VWA8: variants seen among roughly 807,000 people sequenced by gnomAD.
VWA8 encodes von Willebrand factor A domain-containing protein 8.
A neutral mutation model predicts 241.5 loss-of-function variants in VWA8; 221 were observed. The observed-to-expected ratio is 0.91, with a 90% CI of 0.82 to 1.02. The LOEUF is 1.02. Among genes scored for constraint, VWA8 ranks in the 50% least tolerant of loss-of-function variants. VWA8 has a pLI of 0.00. For missense variants in VWA8, 2,322 were observed against 2,328.7 expected, an observed-to-expected ratio of 1.00 and a Z score of 0.06; for synonymous variants, 852 against 827.1, an observed-to-expected ratio of 1.03 and a Z score of -0.52.
At chr13:41,860,657 G>C (rs989202682) in intron 12 of VWA8, among the ~76,000 whole-genome samples, 2 of 152,098 alleles carry the variant, frequency 1.3e-5, no homozygotes, top group Non-Finnish European at 2.9e-5. Flanking sequence ...TAGAAATATA[G>C]GAGAAAATCT....
At position 41,868,444 on chromosome 13, in the gene VWA8, G is replaced by C. The variant is rs774607218; in HGVS notation, c.1114C>G (p.Leu372Val). The change falls in exon 10 of 45, where the codon CTT becomes GTT. Residue 372 changes from leucine (L) to valine (V), a missense_variant. Leu to Val is a conservative substitution (Grantham distance 32, BLOSUM62 1). Coordinates refer to ENST00000379310, the MANE Select transcript of VWA8 (RefSeq NM_015058.2). The stretch of plus-strand genomic sequence containing the variant: ...TCTACTTTTACAATCTCTTTAGGAA[G>C]TAGAGAGCTTCCTGAATCTTGAAGT... ...FELQDSGSSL[L>V]PKEIVKVEKM... The C allele has an allele frequency of 1.9e-6, 3 of 1,613,970 alleles. No homozygotes were observed. The highest frequency in any genetic ancestry group is 1.6e-4 in the Middle Eastern group (1 of 6,062).
In VWA8 at chr13:41,912,016, T is replaced by C. The variant is rs372907175; in HGVS notation, c.372+22A>G. 7.2e-6 allele frequency: 11 copies of C among 1,533,056 alleles called. No individual in the cohort carries two copies. The East Asian group carries it at 1.1e-4, about 16-fold the overall frequency. 95.0% of individuals were successfully genotyped at this position (1,533,056 alleles called of 1,614,324 possible). On this transcript the variant is annotated intron_variant, in intron 3 of 44. Coordinates refer to ENST00000379310, the MANE Select transcript of VWA8 (RefSeq NM_015058.2). The stretch of plus-strand genomic sequence containing the variant: ...CTTACAAAGTTAAGACCCTTAGAAA[T>C]TGACAAGAATTAACTGCTCACCAAG...
intron 20 of VWA8, among the ~76,000 whole-genome samples, chr13:41,774,575 G>C (rs1358154598): frequency 2.0e-5 from 3 of 152,200 alleles, no homozygotes; most frequent in Non-Finnish European, 4.4e-5. Context: ...TCATAGAGAT[G>C]GTGGGTAAAT....
chr13:41,879,461 T>C (rs1405947343), intron 9 of VWA8, among the ~76,000 whole-genome samples: 2 of 151,650 alleles, frequency 1.3e-5, no homozygotes, highest in Non-Finnish European at 2.9e-5. Context: ...TTCCATCCTC[T>C]GCTGTCTCTT....
rs200765783 is a variant in VWA8 at position 41,748,069 on chromosome 13, T to G, written c.2426+13059A>C. Among the ~76,000 whole-genome samples, 319 of 152,342 alleles carry G rather than the reference T, an allele frequency of 2.1e-3. 11 individuals carry two copies. The East Asian group carries it at 0.05, about 24-fold the overall frequency. On this transcript the variant is annotated intron_variant, in intron 21 of 44. Coordinates refer to ENST00000379310, the MANE Select transcript of VWA8 (RefSeq NM_015058.2). ...TTGGTCTAAAATTCTCTGTTTTTGT[T>G]GTGTCTCTGCCAGGCTTTGGTATCA... is the stretch of plus-strand genomic sequence containing the variant.
At chr13:41,584,094 G>A (rs1384640419) in intron 42 of VWA8, among the ~76,000 whole-genome samples, 1 of 152,162 alleles carries the variant, frequency 6.6e-6, no homozygotes, top group East Asian at 1.9e-4. Flanking sequence ...CAAAGCAAGT[G>A]AGGCAAAACG....
intron 20 of VWA8, among the ~76,000 whole-genome samples, chr13:41,777,478 T>C (rs771171427): frequency 1.5e-4 from 23 of 152,004 alleles, no homozygotes; most frequent in Middle Eastern, 3.4e-3. Flanking sequence ...GAAGGGGCCA[T>C]GGCTTAGGAA....
intron 2 of VWA8, among the ~76,000 whole-genome samples, chr13:41,914,144 G>A (rs1202906745): frequency 6.6e-6 from 1 of 152,194 alleles, no homozygotes; most frequent in East Asian, 1.9e-4. Context: ...AGTGAGCTAA[G>A]ATCACGCCAC....
At chr13:41,573,701 T>A (rs962394587) in intron 43 of VWA8, among the ~76,000 whole-genome samples, 1 of 151,110 alleles carries the variant, frequency 6.6e-6, no homozygotes, top group Non-Finnish European at 1.5e-5. Flanking sequence ...CGCTGCAGCC[T>A]CTGCCTCCCG....
At chr13:41,687,397 T>C (rs2045143979) in intron 34 of VWA8, among the ~76,000 whole-genome samples, 1 of 152,194 alleles carries the variant, frequency 6.6e-6, no homozygotes, top group Non-Finnish European at 1.5e-5. Flanking sequence ...TTAAAAGTTA[T>C]ACAAGTAATA....
rs146114880 is a variant in VWA8, at chr13:41,576,440, T to C, written c.5272-602A>G. 9.6e-3 allele frequency among the ~76,000 whole-genome samples: 1,465 copies of C among 152,320 alleles called. 20 individuals carry two copies. The highest frequency in any genetic ancestry group is 0.013 in the Non-Finnish European group (881 of 68,024). ...GGGATAAATGGTGGTTAGTCCATGCTAGCTGACAAACAACAATCCATAACA... is the reference window on the plus strand; with the variant it reads ...GGGATAAATGGTGGTTAGTCCATGCCAGCTGACAAACAACAATCCATAACA... On this transcript the variant is annotated intron_variant, in intron 42 of 44. Coordinates refer to ENST00000379310, the MANE Select transcript of VWA8 (RefSeq NM_015058.2).
intron 10 of VWA8, 39 bp from the exon 11 acceptor site, chr13:41,866,075 T>C: frequency 6.2e-7 from 1 of 1,604,486 alleles, no homozygotes; most frequent in Non-Finnish European, 8.5e-7. Context: ...TGGCCAGATG[T>C]GGTGGCTCAC....
At chr13:41,624,034 T>C (rs2044673668) in intron 37 of VWA8, among the ~76,000 whole-genome samples, 1 of 152,076 alleles carries the variant, frequency 6.6e-6, no homozygotes, top group South Asian at 2.1e-4. Flanking sequence ...TCAGAGACTA[T>C]TATGAACACC....
chr13:41,831,636 T>TG (rs1369363662), intron 13 of VWA8, among the ~76,000 whole-genome samples: 12 of 131,730 alleles, frequency 9.1e-5, no homozygotes, highest in African/African-American at 1.6e-4. Flanking sequence ...TTTTTTTTTT[T>TG]GAGACAGAGT....
chr13:41,898,929 C>G (rs1430330294), intron 4 of VWA8, among the ~76,000 whole-genome samples: 1 of 152,192 alleles, frequency 6.6e-6, no homozygotes, highest in East Asian at 1.9e-4. Context: ...CCGCAAGCGC[C>G]GCGCGCAGCC....
chr13:41,713,719 C>A, intron 26 of VWA8, among the ~76,000 whole-genome samples: 1 of 152,128 alleles, frequency 6.6e-6, no homozygotes, highest in Non-Finnish European at 1.5e-5. Flanking sequence ...ACACAAAGCA[C>A]TGATACTAAT....
chr13:41,746,132 G>C (rs1249375131), intron 21 of VWA8, among the ~76,000 whole-genome samples: 1 of 152,088 alleles, frequency 6.6e-6, no homozygotes, highest in Non-Finnish European at 1.5e-5. Context: ...ATGAACAGTT[G>C]TTAAATCTGG....
At chr13:41,905,872 T>C (rs1875688452) in intron 4 of VWA8, among the ~76,000 whole-genome samples, 1 of 152,124 alleles carries the variant, frequency 6.6e-6, no homozygotes, top group African/African-American at 2.4e-5. Flanking sequence ...TATGAGTTGG[T>C]TAATGGAGCC....
intron 43 of VWA8, 74 bp from the exon 44 acceptor site, chr13:41,570,780 T>G: frequency 1.5e-6 from 2 of 1,364,904 alleles, no homozygotes; most frequent in Non-Finnish European, 1.0e-6. Flanking sequence ...TATTTTTCTA[T>G]TGACCATGAG....
Sources: allele counts gnomAD v4.1 joint callset (sites outside exome capture counted in the v4.1 genomes callset), GRCh38; gene constraint gnomAD v4.1.1; transcripts MANE v1.5; gene names NCBI Gene and HGNC (gene_info 2026-07-23, HGNC 2026-07-21).